The following LRRC7 variants were observed in gnomAD, a reference collection of about 807,000 sequenced individuals.
LRRC7 encodes the protein leucine rich repeat containing 7, also known as leucine-rich repeat-containing protein 7.
Under a neutral mutation model 175.7 loss-of-function variants are expected in LRRC7, and 23 were observed. The ratio of observed to expected loss-of-function variants is 0.13; its 90% CI spans 0.09 to 0.19. The LOEUF (loss-of-function observed/expected upper bound fraction) is 0.19. Ranked by LOEUF, LRRC7 falls within the 10% of genes least tolerant of loss-of-function variation. LRRC7 has a pLI of 1.00. For synonymous variants in LRRC7, 685 were observed against 680.9 expected (o/e 1.01, Z -0.09); for missense variants, 1,354 against 1,904.7 (o/e 0.71, Z 5.38).
At chr1:70,101,490 A>T (rs1350561093) in intron 25 of LRRC7, among the ~76,000 whole-genome samples, 1 of 152,192 alleles carries the variant, frequency 6.6e-6, no homozygotes, top group Non-Finnish European at 1.5e-5. Flanking sequence ...CTTCATCATT[A>T]AAAAGCCATA....
At chr1:70,121,289 G>T (rs903656197) in intron 26 of LRRC7, among the ~76,000 whole-genome samples, 3 of 152,036 alleles carry the variant, frequency 2.0e-5, no homozygotes, top group African/African-American at 7.2e-5. Context: ...TAATGTAAAA[G>T]TGTATAAACC....
At chr1:69,848,946 C>T (rs1465711475) in intron 7 of LRRC7, among the ~76,000 whole-genome samples, 1 of 151,868 alleles carries the variant, frequency 6.6e-6, no homozygotes, top group African/African-American at 2.4e-5. Context: ...AAATCATTTT[C>T]TTACCAAACT....
intron 8 of LRRC7, among the ~76,000 whole-genome samples, chr1:69,934,498 G>C (rs1443909543): frequency 2.9e-5 from 3 of 101,856 alleles, no homozygotes; most frequent in East Asian, 4.2e-4. Flanking sequence ...TTTTGGCGGG[G>C]GGGGGGCGGG....
At chr1:69,862,559 A>G (rs1395812466) in intron 7 of LRRC7, among the ~76,000 whole-genome samples, 1 of 152,188 alleles carries the variant, frequency 6.6e-6, no homozygotes, top group Non-Finnish European at 1.5e-5. Context: ...ATTCTGAATC[A>G]TCAGAACAGA....
At chr1:69,943,292 C>T (rs542174235) in intron 8 of LRRC7, among the ~76,000 whole-genome samples, 3 of 152,064 alleles carry the variant, frequency 2.0e-5, no homozygotes, top group African/African-American at 4.8e-5. Context: ...ATTAAAGGTC[C>T]GATATGTGCT....
At chr1:69,840,963 T>A (rs1290055934) in intron 7 of LRRC7, among the ~76,000 whole-genome samples, 1 of 152,226 alleles carries the variant, frequency 6.6e-6, no homozygotes, top group Middle Eastern at 3.4e-3. Flanking sequence ...GAATGTTAGA[T>A]GTCAAGGGAA....
chr1:69,639,546 A>C (rs1653887813), intron 1 of LRRC7, among the ~76,000 whole-genome samples: 1 of 151,840 alleles, frequency 6.6e-6, no homozygotes, highest in South Asian at 2.1e-4. Flanking sequence ...GATTCTGTGA[A>C]GACAGGAGCC....
intron 4 of LRRC7, among the ~76,000 whole-genome samples, chr1:69,803,462 A>G (rs545511863): frequency 6.6e-6 from 1 of 151,532 alleles, no homozygotes; most frequent in Admixed American, 6.6e-5. Flanking sequence ...ATATGTACAC[A>G]TTTTGTTAGA....
At position 69,589,663 on chromosome 1, in the gene LRRC7, C is replaced by T. The variant is rs188936077; in HGVS notation, c.2+21022C>T. Among the ~76,000 whole-genome samples the T allele has an allele frequency of 2.8e-3, 423 of 152,196 alleles. 3 individuals carry two copies. The highest frequency in any genetic ancestry group is 0.017 in the Middle Eastern group (5 of 294). On this transcript the variant is annotated intron_variant, in intron 1 of 26. Transcript: ENST00000651989. ...TAATATTTGGATGTTTCTGCCATAC[C>T]CACCCTGAACTTTTAATCCTAGTGA...
At chr1:69,803,379 A>G (rs1338171263) in intron 4 of LRRC7, among the ~76,000 whole-genome samples, 2 of 151,436 alleles carry the variant, frequency 1.3e-5, no homozygotes, top group Non-Finnish European at 3.0e-5. Flanking sequence ...GTTGTAATTC[A>G]TGAACATGGT....
chr1:69,654,891 A>G (rs1656384077), intron 1 of LRRC7, among the ~76,000 whole-genome samples: 1 of 152,116 alleles, frequency 6.6e-6, no homozygotes, highest in Non-Finnish European at 1.5e-5. Flanking sequence ...TTTAAAATAT[A>G]CATTTTGATA....
chr1:69,857,920 T>C (rs996944529), intron 7 of LRRC7, among the ~76,000 whole-genome samples: 1 of 151,914 alleles, frequency 6.6e-6, no homozygotes, highest in African/African-American at 2.4e-5. Flanking sequence ...GAGATATAGA[T>C]CAATGGAACA....
intron 23 of LRRC7, among the ~76,000 whole-genome samples, chr1:70,062,720 A>G (rs1661677731): frequency 6.6e-6 from 1 of 152,118 alleles, no homozygotes; most frequent in Non-Finnish European, 1.5e-5. Context: ...GAAAAAATCA[A>G]TGAAATAATT....
intron 14 of LRRC7, among the ~76,000 whole-genome samples, chr1:70,017,197 C>A (rs976567240): frequency 6.6e-6 from 1 of 151,602 alleles, no homozygotes; most frequent in Non-Finnish European, 1.5e-5. Flanking sequence ...ATCGCTTGAA[C>A]CCGGGGGGCA....
chr1:69,703,299 T>C (rs916829376), intron 2 of LRRC7, among the ~76,000 whole-genome samples: 2 of 151,628 alleles, frequency 1.3e-5, no homozygotes, highest in Non-Finnish European at 2.9e-5. Context: ...TCAACGATTG[T>C]TCAATATTTC....
intron 18 of LRRC7, among the ~76,000 whole-genome samples, chr1:70,029,181 A>G (rs539321850): frequency 6.6e-6 from 1 of 152,202 alleles, no homozygotes; most frequent in East Asian, 1.9e-4. Flanking sequence ...ACACTGTGAG[A>G]GAGAGAAAAG....
chr1:69,831,068 A>G (rs192838034), intron 5 of LRRC7, among the ~76,000 whole-genome samples: 2 of 152,092 alleles, frequency 1.3e-5, no homozygotes. Flanking sequence ...TTTATTACAT[A>G]CATATGGAGA....
At chr1:69,927,844 C>T (rs1311946851) in intron 7 of LRRC7, among the ~76,000 whole-genome samples, 2 of 152,186 alleles carry the variant, frequency 1.3e-5, no homozygotes, top group African/African-American at 4.8e-5. Flanking sequence ...TGTTCCATTG[C>T]TGGTGAGGAA....
intron 1 of LRRC7, among the ~76,000 whole-genome samples, chr1:69,623,868 T>G (rs956408208): frequency 6.6e-6 from 1 of 152,216 alleles, no homozygotes; most frequent in Non-Finnish European, 1.5e-5. Context: ...AGTTTATCCA[T>G]GTTCATTTTT....
Sources: gnomAD v4.1 joint callset for allele counts (sites outside exome capture counted in the v4.1 genomes callset) on GRCh38, gnomAD v4.1.1 for gene constraint, MANE v1.5 for transcripts, NCBI Gene and HGNC (gene_info 2026-07-23, HGNC 2026-07-21) for gene names.